The following PHF21B variants were observed in gnomAD, a reference collection of about 807,000 sequenced individuals.
The protein encoded by PHF21B is PHD finger protein 21B, also known as PHD finger protein 4.
A neutral mutation model predicts 62.2 loss-of-function variants in PHF21B; 22 were observed. The observed-to-expected ratio is 0.35, with a 90% CI of 0.25 to 0.51. The LOEUF is 0.51. Ranked by LOEUF, PHF21B falls within the 20% of genes least tolerant of loss-of-function variation. The pLI is 0.97. For missense variants in PHF21B, 701 were observed against 707.9 expected, an observed-to-expected ratio of 0.99 and a Z score of 0.11; for synonymous variants, 341 against 314.7, an observed-to-expected ratio of 1.08 and a Z score of -0.88.
chr22:44,915,015 T>C (rs2071409154), intron 4 of PHF21B, among the ~76,000 whole-genome samples: 1 of 152,212 alleles, frequency 6.6e-6, no homozygotes, highest in Admixed American at 6.5e-5. Context: ...CTTGGGTGTT[T>C]TTTTGGTTTG....
chr22:44,931,605 T>C (rs1275202612), intron 2 of PHF21B, among the ~76,000 whole-genome samples: 1 of 129,146 alleles, frequency 7.7e-6, no homozygotes, highest in Non-Finnish European at 1.6e-5. Context: ...ACACTCTGAA[T>C]GGCATCATGA....
chr22:44,975,243 C>T (rs567260342), intron 2 of PHF21B, among the ~76,000 whole-genome samples: 1 of 152,338 alleles, frequency 6.6e-6, no homozygotes, highest in Admixed American at 6.5e-5. Context: ...GACACTTCAG[C>T]TCCCTCAGCC....
intron 2 of PHF21B, chr22:45,003,278 C>T (rs1601701747): frequency 1.3e-5 from 2 of 152,348 alleles, no homozygotes; most frequent in East Asian, 3.8e-4. Flanking sequence ...GGGAGCTCAG[C>T]AGGCACCCCT....
chr22:44,931,650 G>A (rs994305589), intron 2 of PHF21B, among the ~76,000 whole-genome samples: 1 of 150,018 alleles, frequency 6.7e-6, no homozygotes, highest in African/African-American at 2.5e-5. Flanking sequence ...TGGGGGGGGG[G>A]TGTCAAAAAA....
At chr22:44,893,561 T>G (rs1826087573) in intron 6 of PHF21B, 28 bp from the exon 7 acceptor site, 2 of 1,576,668 alleles carry the variant, frequency 1.3e-6, no homozygotes, top group African/African-American at 2.7e-5. Context: ...CAGCAGTTAC[T>G]GGGTCCTGCC....
At chr22:44,887,156 CAAAAAAAAA>C (rs565346064) in intron 10 of PHF21B, among the ~76,000 whole-genome samples, 1 of 65,100 alleles carries the variant, frequency 1.5e-5, no homozygotes, top group African/African-American at 4.4e-5. Context: ...AACTCCATCT[CAAAAAAAAA>C]AAAAAAAAAA....
intron 2 of PHF21B, among the ~76,000 whole-genome samples, chr22:44,956,840 C>G (rs541044525): frequency 6.6e-6 from 1 of 152,302 alleles, no homozygotes; most frequent in African/African-American, 2.4e-5. Context: ...CCCTCCTCCT[C>G]CGACCTCCCT....
chr22:44,933,411 T>C, intron 2 of PHF21B: 1 of 967,740 alleles, frequency 1.0e-6, no homozygotes, highest in South Asian at 4.8e-5. Context: ...GCGCTCGGCC[T>C]CTTCTATTTC....
rs555928781 is a variant in PHF21B, at chr22:44,903,056, C to T, written c.832-6973G>A. On this transcript the variant is annotated intron_variant, in intron 5 of 12. Coordinates refer to ENST00000313237, the MANE Select transcript of PHF21B (RefSeq NM_138415.5). ...GGTCAAAGAGCATTTCTGCCACCTTCCCTGTTCCTGGATGCCTTACAGATT... is the reference window on the plus strand; with the variant it reads ...GGTCAAAGAGCATTTCTGCCACCTTTCCTGTTCCTGGATGCCTTACAGATT... Among the ~76,000 whole-genome samples the T allele has an allele frequency of 4.6e-5, 7 of 152,346 alleles. 1 individual carries two copies. The East Asian group carries it at 1.2e-3, about 25-fold the overall frequency.
At position 44,882,049 on chromosome 22, in the gene PHF21B, C is replaced by A. The variant is rs992650729; in HGVS notation, c.*1037G>T. Reference sequence around the variant, plus strand: ...CTACTAGAAGCAGAAAGGAAGTCAGCCAGAGTCCCCCCAACCATTCACATT... The same window carrying A: ...CTACTAGAAGCAGAAAGGAAGTCAGACAGAGTCCCCCCAACCATTCACATT... On this transcript the variant is annotated 3_prime_UTR_variant, in exon 13 of 13. Coordinates refer to ENST00000313237, the MANE Select transcript of PHF21B (RefSeq NM_138415.5). 2 of 152,740 alleles carry A rather than the reference C, an allele frequency of 1.3e-5. No homozygotes were observed. Among genetic ancestry groups the A allele is most frequent in the African/African-American group, 4.8e-5 (2 of 41,438 alleles). 9.5% of individuals were successfully genotyped at this position (152,740 alleles called of 1,614,324 possible). A position where few individuals can be genotyped will look rare whatever the true frequency, so the allele number is the denominator to read the frequency against.
intron 2 of PHF21B, among the ~76,000 whole-genome samples, chr22:44,986,905 G>A (rs5766259): frequency 0.79 from 119,492 of 150,930 alleles, 47,545 homozygotes; most frequent in East Asian, 0.9. Context: ...ATGGGGAGAC[G>A]GCAGGTGCAG....
intron 5 of PHF21B, 124 bp from the exon 6 acceptor site, chr22:44,896,207 C>G: frequency 1.0e-6 from 1 of 963,392 alleles, no homozygotes; most frequent in Middle Eastern, 2.1e-4. Context: ...ACAGAGGCCT[C>G]CAACTCCAGA....
In PHF21B at chr22:44,902,345, A is replaced by G. The variant is rs2071174633; in HGVS notation, c.832-6262T>C. 6 of 346,976 alleles carry G rather than the reference A, an allele frequency of 1.7e-5. No homozygotes were observed. In the South Asian group the frequency reaches 1.8e-4, roughly 10 times the overall value. 21.5% of individuals were successfully genotyped at this position (346,976 alleles called of 1,614,324 possible). Reference sequence around the variant, plus strand: ...GGACTCACAAATTTTACTGAGTATCAAAGCTATTCCTCAGCTCCAGGGCTA... The same window carrying G: ...GGACTCACAAATTTTACTGAGTATCGAAGCTATTCCTCAGCTCCAGGGCTA... On this transcript the variant is annotated intron_variant, in intron 5 of 12. Coordinates refer to ENST00000313237, the MANE Select transcript of PHF21B (RefSeq NM_138415.5).
Position 44,916,557 on chromosome 22 carries a change from G to A in PHF21B, c.287C>T (p.Pro96Leu). The A allele has an allele frequency of 6.2e-7, 1 of 1,608,720 alleles. No individual in the cohort carries two copies. Among genetic ancestry groups the A allele is most frequent in the Non-Finnish European group, 8.5e-7 (1 of 1,179,916 alleles). Residue 96 changes from proline (P) to leucine (L), a missense_variant, in exon 4 of 13, where the codon CCA becomes CTA. By Grantham distance (98) the Pro-to-Leu change is moderately conservative. Coordinates refer to ENST00000313237, the MANE Select transcript of PHF21B (RefSeq NM_138415.5). ...PGRDRPPKQPPTFQKATVVSV... is the reference protein window; with the variant it reads ...PGRDRPPKQPLTFQKATVVSV... ...GACCACGGTGGCCTTCTGGAATGTT[G>A]GGGGCTGCTTGGGTGGCCGGTCCCG...
Position 44,965,939 on chromosome 22 carries a change from G to A in PHF21B, c.120+42606C>T, listed in dbSNP as rs142179269. 1.2e-3 allele frequency among the ~76,000 whole-genome samples: 187 copies of A among 152,316 alleles called. 1 individual carries two copies. The highest frequency in any genetic ancestry group is 4.4e-3 in the African/African-American group (181 of 41,560). On this transcript the variant is annotated intron_variant, in intron 2 of 12. Transcript: ENST00000313237. ...CCACCACTTCCTCTCTAAAGGAGGT[G>A]AGCCCCATCCAGAAATCCCACTTCC...
chr22:44,992,325 G>T, intron 2 of PHF21B, among the ~76,000 whole-genome samples: 1 of 152,236 alleles, frequency 6.6e-6, no homozygotes, highest in East Asian at 1.9e-4. Flanking sequence ...AACTGACGGG[G>T]ACGGGGTGCT....
chr22:44,924,999 C>G (rs917373907), intron 2 of PHF21B, among the ~76,000 whole-genome samples: 2 of 152,122 alleles, frequency 1.3e-5, no homozygotes, highest in Admixed American at 1.3e-4. Flanking sequence ...TACTGACACA[C>G]ACAATATGGA....
intron 5 of PHF21B, among the ~76,000 whole-genome samples, chr22:44,899,659 T>G (rs1292196676): frequency 6.6e-6 from 1 of 152,094 alleles, no homozygotes; most frequent in Non-Finnish European, 1.5e-5. Context: ...CTCCTCTCCT[T>G]CCTTCTCCTC....
intron 5 of PHF21B, among the ~76,000 whole-genome samples, chr22:44,904,346 C>T (rs2071212708): frequency 6.6e-6 from 1 of 152,044 alleles, no homozygotes; most frequent in South Asian, 2.1e-4. Flanking sequence ...AGTCTATACA[C>T]TCGGTTGTTT....
Sources: gnomAD v4.1 joint callset for allele counts (sites outside exome capture counted in the v4.1 genomes callset) on GRCh38, gnomAD v4.1.1 for gene constraint, MANE v1.5 for transcripts, NCBI Gene and HGNC (gene_info 2026-07-23, HGNC 2026-07-21) for gene names.